CDH18: variants seen among roughly 807,000 people sequenced by gnomAD.
CDH18 encodes the protein cadherin 18, also known as cadherin-18.
In CDH18, 31 loss-of-function variants were observed where a neutral mutation model predicts 67.9. That is an observed-to-expected ratio of 0.46 (90% CI 0.34 to 0.62). The LOEUF (loss-of-function observed/expected upper bound fraction) is 0.62, where lower values mean the gene tolerates loss of function less well. Ranked by LOEUF, CDH18 falls within the 20% of genes least tolerant of loss-of-function variation. CDH18 has a pLI of 0.01. For synonymous variants in CDH18, 362 were observed against 347.2 expected (o/e 1.04, Z -0.48); for missense variants, 890 against 975.5 (o/e 0.91, Z 1.17).
intron 2 of CDH18, among the ~76,000 whole-genome samples, chr5:19,908,216 C>T (rs944009169): frequency 1.3e-5 from 2 of 152,052 alleles, no homozygotes; most frequent in African/African-American, 4.8e-5. Context: ...AATATGATAA[C>T]TCCTTCCATG....
intron 2 of CDH18, among the ~76,000 whole-genome samples, chr5:19,871,738 GA>G (rs1435744554): frequency 4.6e-5 from 7 of 152,102 alleles, no homozygotes; most frequent in African/African-American, 1.4e-4. Context: ...CAACAGATGG[GA>G]AAAGAGAGGA....
intron 1 of CDH18, among the ~76,000 whole-genome samples, chr5:20,473,613 T>A (rs1752240316): frequency 6.6e-6 from 1 of 152,154 alleles, no homozygotes; most frequent in South Asian, 2.1e-4. Flanking sequence ...GATAAGTATT[T>A]CCTGTTACAA....
intron 1 of CDH18, among the ~76,000 whole-genome samples, chr5:20,545,183 GGCTAGTCAGGGTACA>G (rs761228145): frequency 3.3e-5 from 5 of 152,200 alleles, no homozygotes; most frequent in Admixed American, 6.5e-5. Flanking sequence ...GTGCCTCTGT[GGCTAGTCAGGGTACA>G]GCCTCTGCTG....
intron 2 of CDH18, among the ~76,000 whole-genome samples, chr5:19,917,362 T>C (rs75415424): frequency 0.052 from 7,848 of 150,072 alleles, 290 homozygotes; most frequent in Non-Finnish European, 0.07. Context: ...TTTTTTTCTT[T>C]TCTGATCAGT....
chr5:19,589,277 C>A (rs1438962597), intron 7 of CDH18, among the ~76,000 whole-genome samples: 2 of 152,092 alleles, frequency 1.3e-5, no homozygotes, highest in Non-Finnish European at 2.9e-5. Flanking sequence ...TGACTAGCTA[C>A]CTCCTGAACA....
At chr5:19,776,583 G>T (rs1218591473) in intron 3 of CDH18, among the ~76,000 whole-genome samples, 1 of 152,074 alleles carries the variant, frequency 6.6e-6, no homozygotes, top group Non-Finnish European at 1.5e-5. Flanking sequence ...GAGGAAAAAA[G>T]GCGTAATGAC....
intron 1 of CDH18, among the ~76,000 whole-genome samples, chr5:20,555,427 T>C (rs1581194118): frequency 6.2e-4 from 14 of 22,490 alleles, no homozygotes; most frequent in South Asian, 5.0e-3. Flanking sequence ...TTTTTTTTTT[T>C]TTTTTTTTTT....
At chr5:20,323,016 A>C (rs1264565105) in intron 1 of CDH18, among the ~76,000 whole-genome samples, 2 of 152,158 alleles carry the variant, frequency 1.3e-5, no homozygotes, top group Non-Finnish European at 2.9e-5. Context: ...AGGTTTTAAA[A>C]AAAAGCAGGT....
chr5:19,533,641 TAGAA>T (rs1398461559), intron 9 of CDH18, among the ~76,000 whole-genome samples: 1 of 152,062 alleles, frequency 6.6e-6, no homozygotes, highest in Non-Finnish European at 1.5e-5. Flanking sequence ...CAGGATAAAA[TAGAA>T]AGAGCATTGT....
chr5:19,473,465 C>T lies in CDH18; in HGVS notation c.2134G>A (p.Val712Ile). The T allele has an allele frequency of 1.2e-6, 2 of 1,613,730 alleles. No homozygotes were observed. The highest frequency in any genetic ancestry group is 2.2e-5 in the East Asian group (1 of 44,876). ...AGTCTTTGCTTAATAAATTCCTGAACATCTATGCTTTCCAGGGTGGATGAT... is the reference window on the plus strand; with the variant it reads ...AGTCTTTGCTTAATAAATTCCTGAATATCTATGCTTTCCAGGGTGGATGAT... The part of the protein sequence containing the change: ...QTSSTLESID[V>I]QEFIKQRLAE... Residue 712 changes from valine (V) to isoleucine (I), a missense_variant, in exon 13 of 13, where the codon GTT becomes ATT. Physicochemically the swap from Val to Ile is conservative, Grantham distance 29. Around this residue, in one of 2 missense-constraint regions of CDH18, gnomAD observed 656 missense variants for 668.1 expected, o/e 0.98. Coordinates refer to ENST00000382275, the MANE Select transcript of CDH18 (RefSeq NM_004934.5).
At chr5:19,750,201 C>T (rs954082855) in intron 3 of CDH18, among the ~76,000 whole-genome samples, 5 of 151,994 alleles carry the variant, frequency 3.3e-5, no homozygotes, top group African/African-American at 1.2e-4. Context: ...ATGATGATAA[C>T]CACTGTGAAA....
chr5:19,562,399 T>C lies in CDH18; in HGVS notation c.1253+9180A>G, dbSNP rs533722472. 4.6e-5 allele frequency among the ~76,000 whole-genome samples: 7 copies of C among 152,210 alleles called. No homozygotes were observed. The East Asian group carries it at 1.4e-3, about 29-fold the overall frequency. On this transcript the variant is annotated intron_variant, in intron 8 of 12. Transcript: ENST00000382275. ...ATCCAAAATAATTTGGTATTTCTAA[T>C]CCAACTCATCATCAATTATGTGAAA...
At chr5:20,315,135 T>A (rs1292516293) in intron 1 of CDH18, among the ~76,000 whole-genome samples, 1 of 152,094 alleles carries the variant, frequency 6.6e-6, no homozygotes, top group Non-Finnish European at 1.5e-5. Context: ...TTCACTTGCA[T>A]GTCTCCTCCC....
chr5:20,270,806 A>C (rs2126663639), intron 1 of CDH18, among the ~76,000 whole-genome samples: 1 of 78,718 alleles, frequency 1.3e-5, no homozygotes, highest in East Asian at 3.7e-4. Flanking sequence ...CACAACCATA[A>C]AAAAATGAGA....
chr5:19,567,304 T>C (rs1363243185), intron 8 of CDH18, among the ~76,000 whole-genome samples: 1 of 151,946 alleles, frequency 6.6e-6, no homozygotes. Context: ...ATCTGAAGAG[T>C]CTTACTAATA....
At chr5:19,827,733 T>C (rs1780552774) in intron 3 of CDH18, among the ~76,000 whole-genome samples, 1 of 152,150 alleles carries the variant, frequency 6.6e-6, no homozygotes, top group Non-Finnish European at 1.5e-5. Context: ...GGGATACATC[T>C]AAAGCAGTAT....
At position 20,210,376 on chromosome 5, in the gene CDH18, T is replaced by G. The variant is rs544555216; in HGVS notation, c.-518+45068A>C. Among the ~76,000 whole-genome samples, 11 of 152,100 alleles carry G rather than the reference T, an allele frequency of 7.2e-5. No individual in the cohort carries two copies. In the South Asian group the frequency reaches 1.9e-3, roughly 26 times the overall value. On this transcript the variant is annotated intron_variant, in intron 2 of 14. Transcript: ENST00000507958. ...CCTGAGTGTATCATTTTCAGAGTTA[T>G]GTATTTCATCTGAGGTTTTTATTAG...
chr5:20,226,349 A>C (rs114784501), intron 2 of CDH18, among the ~76,000 whole-genome samples: 61 of 152,266 alleles, frequency 4.0e-4, no homozygotes, highest in African/African-American at 1.4e-3. Flanking sequence ...TCAGAGTTTC[A>C]ACAGCAAAGT....
intron 1 of CDH18, among the ~76,000 whole-genome samples, chr5:20,320,990 T>C (rs1285505291): frequency 1.3e-5 from 2 of 152,142 alleles, no homozygotes; most frequent in African/African-American, 4.8e-5. Flanking sequence ...GAAAACTCAC[T>C]CCTTCCTGTA....
Sources: gnomAD v4.1 joint callset for allele counts (sites outside exome capture counted in the v4.1 genomes callset) on GRCh38, gnomAD v4.1.1 for gene constraint, gnomAD v4.1.1 regional missense constraint, MANE v1.5 for transcripts, NCBI Gene and HGNC (gene_info 2026-07-23, HGNC 2026-07-21) for gene names.